The following WDPCP variants were observed in gnomAD, a reference collection of about 807,000 sequenced individuals.
WDPCP encodes WD repeat-containing and planar cell polarity effector protein fritz homolog.
Under a neutral mutation model 93.1 loss-of-function variants are expected in WDPCP, and 71 were observed. The observed-to-expected ratio is 0.76, with a 90% CI of 0.63 to 0.93. WDPCP has a LOEUF of 0.93. WDPCP is among the 40% of genes least tolerant of loss of function. The pLI is 0.00. For missense variants in WDPCP, 844 were observed against 887.4 expected, an observed-to-expected ratio of 0.95 and a Z score of 0.62; for synonymous variants, 315 against 315.0, an observed-to-expected ratio of 1.00 and a Z score of 0.00.
At chr2:63,414,470 T>TACACAC (rs563655098) in intron 9 of WDPCP, among the ~76,000 whole-genome samples, 122 of 117,112 alleles carry the variant, frequency 1.0e-3, no homozygotes, top group South Asian at 7.1e-3. Flanking sequence ...TACACACACA[T>TACACAC]ATACACACAC....
chr2:63,569,028 T>C (rs1265668804), intron 1 of WDPCP, among the ~76,000 whole-genome samples: 2 of 152,210 alleles, frequency 1.3e-5, no homozygotes, highest in Non-Finnish European at 2.9e-5. Context: ...TCTACTTTAT[T>C]TTTCATAGTA....
chr2:63,196,283 T>C (rs1675431317), intron 14 of WDPCP, among the ~76,000 whole-genome samples: 1 of 152,234 alleles, frequency 6.6e-6, no homozygotes, highest in African/African-American at 2.4e-5. Context: ...GATCTGCAGC[T>C]GTGGTTGCTC....
chr2:63,455,487 C>T (rs770544750), intron 6 of WDPCP, among the ~76,000 whole-genome samples: 7 of 150,590 alleles, frequency 4.6e-5, no homozygotes, highest in African/African-American at 7.3e-5. Flanking sequence ...AAAGATATTC[C>T]ACGCAAATGG....
At chr2:63,283,412 A>T (rs1431229583) in intron 13 of WDPCP, among the ~76,000 whole-genome samples, 1 of 152,230 alleles carries the variant, frequency 6.6e-6, no homozygotes, top group Non-Finnish European at 1.5e-5. Flanking sequence ...TTCTATAAAC[A>T]TTGTATATAT....
intron 1 of WDPCP, among the ~76,000 whole-genome samples, chr2:63,528,815 T>A (rs1703575562): frequency 6.6e-6 from 1 of 152,242 alleles, no homozygotes; most frequent in South Asian, 2.1e-4. Context: ...AGTATGGCCA[T>A]CTTCACGATA....
At chr2:63,805,533 C>T (rs1670751501) in intron 2 of WDPCP, among the ~76,000 whole-genome samples, 1 of 152,068 alleles carries the variant, frequency 6.6e-6, no homozygotes, top group Non-Finnish European at 1.5e-5. Context: ...TTGATAGATT[C>T]ACTCCACCCA....
chr2:63,675,518 G>A (rs1575744696), intron 2 of WDPCP, among the ~76,000 whole-genome samples: 1 of 152,090 alleles, frequency 6.6e-6, no homozygotes, highest in African/African-American at 2.4e-5. Flanking sequence ...TCCTTTCTTC[G>A]CGGGGTAGGG....
chr2:63,659,343 G>A (rs1249330849), intron 2 of WDPCP, among the ~76,000 whole-genome samples: 1 of 152,178 alleles, frequency 6.6e-6, no homozygotes, highest in Non-Finnish European at 1.5e-5. Context: ...TGAAACTTGT[G>A]ATGTTACCTT....
At chr2:63,657,882 T>C (rs1275574601) in intron 2 of WDPCP, among the ~76,000 whole-genome samples, 1 of 152,098 alleles carries the variant, frequency 6.6e-6, no homozygotes, top group African/African-American at 2.4e-5. Flanking sequence ...TGTCCACCCC[T>C]CACCACCTAC....
chr2:63,234,506 G>T (rs1679210837), intron 14 of WDPCP, among the ~76,000 whole-genome samples: 1 of 152,060 alleles, frequency 6.6e-6, no homozygotes, highest in Non-Finnish European at 1.5e-5. Flanking sequence ...CTACAAAATG[G>T]ATGATATAAT....
rs1359220100 is a variant in WDPCP at position 63,173,546 on chromosome 2, T to C, written c.2078+1124A>G. On this transcript the variant is annotated intron_variant, in intron 15 of 17. Coordinates refer to ENST00000272321, the MANE Select transcript of WDPCP (RefSeq NM_015910.7). Reference sequence around the variant, plus strand: ...CCAGTCCTACCATGGTAGAATTAGTTTGGGGATGGGCAGGAGGATGGAAGC... The same window carrying C: ...CCAGTCCTACCATGGTAGAATTAGTCTGGGGATGGGCAGGAGGATGGAAGC... 2.0e-5 allele frequency among the ~76,000 whole-genome samples: 3 copies of C among 152,124 alleles called. No individual in the cohort carries two copies. The South Asian group carries it at 6.2e-4, about 32-fold the overall frequency.
intron 1 of WDPCP, among the ~76,000 whole-genome samples, chr2:63,519,617 G>A (rs1176034155): frequency 6.6e-6 from 1 of 152,088 alleles, no homozygotes; most frequent in African/African-American, 2.4e-5. Context: ...AGAGCATGCA[G>A]CCCAGGAATC....
intron 2 of WDPCP, among the ~76,000 whole-genome samples, chr2:63,785,899 G>C (rs184585903): frequency 7.9e-5 from 12 of 152,310 alleles, no homozygotes; most frequent in Admixed American, 7.8e-4. Flanking sequence ...ATGAAAAAGA[G>C]AGTACACATT....
chr2:63,343,209 T>C (rs2104475406), intron 12 of WDPCP, among the ~76,000 whole-genome samples: 1 of 152,166 alleles, frequency 6.6e-6, no homozygotes, highest in South Asian at 2.1e-4. Flanking sequence ...GGTTTTGCCA[T>C]GTTGGCCAGG....
chr2:63,592,684 AT>A (rs1412260105), upstream of WDPCP, among the ~76,000 whole-genome samples: 1 of 152,236 alleles, frequency 6.6e-6, no homozygotes, highest in Admixed American at 6.5e-5. Flanking sequence ...ATCTTAAAAA[AT>A]TTTTTAAAGC....
intron 2 of WDPCP, among the ~76,000 whole-genome samples, chr2:63,692,805 G>A (rs1316917884): frequency 6.6e-6 from 1 of 152,086 alleles, no homozygotes; most frequent in East Asian, 1.9e-4. Context: ...ACATTCTTAT[G>A]TATTATGTAC....
chr2:63,514,917 G>A (rs1330056571), intron 1 of WDPCP, among the ~76,000 whole-genome samples: 7 of 152,064 alleles, frequency 4.6e-5, no homozygotes, highest in African/African-American at 1.7e-4. Context: ...CTCCTTTCAA[G>A]AAAAATTAGC....
rs182388894 is a variant in WDPCP, at chr2:63,344,303, G to T, written c.1749-30992C>A. On this transcript the variant is annotated intron_variant, in intron 12 of 17. Coordinates refer to ENST00000272321, the MANE Select transcript of WDPCP (RefSeq NM_015910.7). The stretch of plus-strand genomic sequence containing the variant: ...TCTGTCATTAGCTGGTGACCTAACA[G>T]AGATGCCTTTAAATCCTGAAGCACA... Among the ~76,000 whole-genome samples the T allele has an allele frequency of 3.3e-5, 5 of 152,238 alleles. No individual in the cohort carries two copies. In the East Asian group the frequency reaches 9.6e-4, roughly 29 times the overall value.
chr2:63,419,709 G>A (rs1054388992), intron 9 of WDPCP, among the ~76,000 whole-genome samples: 2 of 152,058 alleles, frequency 1.3e-5, no homozygotes, highest in East Asian at 3.9e-4. Context: ...TCAGAGATAG[G>A]CTTAAGATCC....
Sources: allele counts gnomAD v4.1 joint callset (sites outside exome capture counted in the v4.1 genomes callset), GRCh38; gene constraint gnomAD v4.1.1; transcripts MANE v1.5; gene names NCBI Gene and HGNC (gene_info 2026-07-23, HGNC 2026-07-21).